The following OR1J2 variants were observed in gnomAD, a reference collection of about 807,000 sequenced individuals.
OR1J2 encodes olfactory receptor family 1 subfamily J member 2, also known as olfactory receptor 1J2.
For missense variants in OR1J2, 304 were observed against 246.1 expected (o/e 1.24, Z -1.57); for synonymous variants, 142 against 99.7 (o/e 1.42, Z -2.52).
the OR1J2 span, among the ~76,000 whole-genome samples, chr9:122,517,496 C>G: frequency 6.6e-6 from 1 of 152,226 alleles, no homozygotes; most frequent in African/African-American, 2.4e-5. Context: ...TATCCTTAAC[C>G]TGTACAAAGC....
chr9:122,554,601 CTG>C, the OR1J2 span, among the ~76,000 whole-genome samples: 2 of 152,120 alleles, frequency 1.3e-5, no homozygotes, highest in Non-Finnish European at 2.9e-5. Context: ...ATTGTGAAAA[CTG>C]TGAATTAGGA....
the OR1J2 span, among the ~76,000 whole-genome samples, chr9:122,467,609 T>G: frequency 6.6e-6 from 1 of 152,192 alleles, no homozygotes; most frequent in South Asian, 2.1e-4. Context: ...AAAATCCAGA[T>G]TAACCTATTA....
chr9:122,465,414 G>A, the OR1J2 span, among the ~76,000 whole-genome samples: 1 of 152,222 alleles, frequency 6.6e-6, no homozygotes, highest in South Asian at 2.1e-4. Flanking sequence ...CCTAAAGCAC[G>A]TAATTATAAT....
the OR1J2 span, among the ~76,000 whole-genome samples, chr9:122,571,419 G>A: frequency 5.3e-5 from 8 of 151,956 alleles, no homozygotes; most frequent in South Asian, 2.1e-4. Context: ...GCATGGTGGC[G>A]GGGGCCTGTA....
At chr9:122,475,491 T>C in the OR1J2 span, among the ~76,000 whole-genome samples, 16 of 152,190 alleles carry the variant, frequency 1.1e-4, no homozygotes, top group African/African-American at 3.9e-4. Context: ...CTCTCCCTGT[T>C]AGGAGGATTT....
chr9:122,558,051 AT>A, the OR1J2 span, among the ~76,000 whole-genome samples: 6 of 151,558 alleles, frequency 4.0e-5, no homozygotes, highest in South Asian at 2.1e-4. Flanking sequence ...ATTTGTAGTG[AT>A]TTTTTTATTC....
the OR1J2 span, among the ~76,000 whole-genome samples, chr9:122,535,269 C>T: frequency 2.0e-5 from 3 of 151,892 alleles, no homozygotes; most frequent in Non-Finnish European, 4.4e-5. Context: ...GGGTTCCTGC[C>T]CCTCCCCCAG....
the OR1J2 span, among the ~76,000 whole-genome samples, chr9:122,525,696 A>G: frequency 2.6e-5 from 4 of 152,288 alleles, no homozygotes; most frequent in East Asian, 5.8e-4. Flanking sequence ...AGGTAGCACA[A>G]GGAGCTTTAA....
the OR1J2 span, chr9:122,572,983 C>T: frequency 1.2e-4 from 18 of 152,372 alleles, no homozygotes; most frequent in African/African-American, 3.4e-4. Context: ...ACCTTAACTC[C>T]CTGTTTCCTT....
the OR1J2 span, chr9:122,477,297 T>A: frequency 6.2e-7 from 1 of 1,614,196 alleles, no homozygotes. Context: ...TGCACAGGAA[T>A]GGAAGCATAA....
At chr9:122,534,495 T>G in the OR1J2 span, among the ~76,000 whole-genome samples, 1 of 152,110 alleles carries the variant, frequency 6.6e-6, no homozygotes, top group Non-Finnish European at 1.5e-5. Flanking sequence ...TGACTATGCC[T>G]TTAGCTCCAG....
At chr9:122,534,095 T>C in the OR1J2 span, among the ~76,000 whole-genome samples, 1 of 152,154 alleles carries the variant, frequency 6.6e-6, no homozygotes, top group Non-Finnish European at 1.5e-5. Context: ...CTGGCACTTG[T>C]AGCAAGCTCC....
the OR1J2 span, among the ~76,000 whole-genome samples, chr9:122,458,280 GTTTTTC>G: frequency 2.6e-5 from 4 of 152,046 alleles, no homozygotes; most frequent in African/African-American, 9.7e-5. Flanking sequence ...AAAGGAATTT[GTTTTTC>G]TTTTAACTAC....
chr9:122,513,147 A>G (rs957647857), downstream of OR1J2, among the ~76,000 whole-genome samples: 4 of 152,252 alleles, frequency 2.6e-5, no homozygotes, highest in Admixed American at 2.0e-4. Flanking sequence ...TGTGGATCCA[A>G]TCCATGTTAT....
the OR1J2 span, among the ~76,000 whole-genome samples, chr9:122,494,586 C>G: frequency 6.6e-6 from 1 of 152,020 alleles, no homozygotes; most frequent in African/African-American, 2.4e-5. Context: ...ATGTGCAAGG[C>G]GAGTCTCCTG....
At chr9:122,526,135 C>T in the OR1J2 span, among the ~76,000 whole-genome samples, 1 of 152,158 alleles carries the variant, frequency 6.6e-6, no homozygotes, top group Non-Finnish European at 1.5e-5. Flanking sequence ...CTGTTATTCA[C>T]TACTATACTG....
At chr9:122,501,980 G>C in the OR1J2 span, among the ~76,000 whole-genome samples, 1 of 152,328 alleles carries the variant, frequency 6.6e-6, no homozygotes, top group South Asian at 2.1e-4. Flanking sequence ...AGGTGAGTGA[G>C]CTGGGGGATT....
chr9:122,483,853 C>T, the OR1J2 span, among the ~76,000 whole-genome samples: 37,719 of 152,052 alleles, frequency 0.25, 4,886 homozygotes, highest in African/African-American at 0.29. Context: ...TCTAAGGTCA[C>T]ATTCTCTAAA....
At chr9:122,469,302 C>A in the OR1J2 span, among the ~76,000 whole-genome samples, 1 of 152,146 alleles carries the variant, frequency 6.6e-6, no homozygotes, top group Non-Finnish European at 1.5e-5. Flanking sequence ...TCATGGGGAG[C>A]AGTTTCCCCC....
Sources: gnomAD v4.1 joint callset for allele counts (sites outside exome capture counted in the v4.1 genomes callset) on GRCh38, gnomAD v4.1.1 for gene constraint, MANE v1.5 for transcripts, NCBI Gene and HGNC (gene_info 2026-07-23, HGNC 2026-07-21) for gene names.